Variants in TBC1D14 observed in about 807,000 individuals in gnomAD.
TBC1D14 encodes TBC1 domain family member 14.
A neutral mutation model predicts 79.0 loss-of-function variants in TBC1D14; 26 were observed. The ratio of observed to expected loss-of-function variants is 0.33; its 90% CI spans 0.24 to 0.46. TBC1D14 has a LOEUF of 0.46. TBC1D14 is among the 20% of genes least tolerant of loss of function. TBC1D14 has a pLI of 1.00. For synonymous variants in TBC1D14, 394 were observed against 349.9 expected (o/e 1.13, Z -1.40); for missense variants, 769 against 887.6 (o/e 0.87, Z 1.70).
intron 2 of TBC1D14, among the ~76,000 whole-genome samples, chr4:6,935,828 G>A (rs1712264465): frequency 6.6e-6 from 1 of 152,008 alleles, no homozygotes. Flanking sequence ...ATTTTTAGTA[G>A]AAATGGGGTT....
intron 9 of TBC1D14, among the ~76,000 whole-genome samples, chr4:7,008,637 T>C (rs567934363): frequency 3.8e-4 from 58 of 152,276 alleles, no homozygotes; most frequent in African/African-American, 1.2e-3. Context: ...GGTCTCGAAC[T>C]CCTGACCTCG....
chr4:6,987,188 C>T, intron 3 of TBC1D14: 1 of 1,222,898 alleles, frequency 8.2e-7, no homozygotes, highest in Non-Finnish European at 1.0e-6. Context: ...GCTGTGTCTG[C>T]GCGCGATTGA....
In TBC1D14 at chr4:6,917,119, T is replaced by C. The variant is rs144424155; in HGVS notation, c.-17-6254T>C. ...TTGATGGTAGGGGATTTCTTCCTCG[T>C]AGTCTCACCTCCAGCTCTCACCGAG... On this transcript the variant is annotated intron_variant, in intron 1 of 13. Transcript: ENST00000409757. Among the ~76,000 whole-genome samples the C allele has an allele frequency of 5.5e-4, 84 of 152,354 alleles. 1 individual carries two copies. In the East Asian group the frequency reaches 0.016, roughly 29 times the overall value.
chr4:7,022,750 C>T (rs1455597152), intron 12 of TBC1D14, among the ~76,000 whole-genome samples: 1 of 151,950 alleles, frequency 6.6e-6, no homozygotes, highest in Non-Finnish European at 1.5e-5. Context: ...CCAGTGGTGA[C>T]TTAATTTTAT....
Position 7,032,908 on chromosome 4 carries a change from T to G in TBC1D14, c.*2516T>G, listed in dbSNP as rs1243288195. ...ATTGGGATCCCATTTAGAAACGGCA[T>G]TCACTTCAGAAGGTACTTTTTAACT... On this transcript the variant is annotated 3_prime_UTR_variant, in exon 14 of 14. Transcript: ENST00000409757. 2.0e-5 allele frequency: 3 copies of G among 152,508 alleles called. No individual in the cohort carries two copies. Among genetic ancestry groups the G allele is most frequent in the Non-Finnish European group, 2.9e-5 (2 of 68,034 alleles). 9.4% of individuals were successfully genotyped at this position (152,508 alleles called of 1,614,324 possible).
chr4:6,965,316 C>T (rs1560288777), intron 2 of TBC1D14, among the ~76,000 whole-genome samples: 1 of 152,200 alleles, frequency 6.6e-6, no homozygotes, highest in Non-Finnish European at 1.5e-5. Flanking sequence ...AGCCACTGCA[C>T]CTGGCCCTCT....
In TBC1D14 at chr4:6,951,389, T is replaced by C. The variant is rs560524730; in HGVS notation, c.723-15915T>C. On this transcript the variant is annotated intron_variant, in intron 2 of 13. Coordinates refer to ENST00000409757, the MANE Select transcript of TBC1D14 (RefSeq NM_020773.3). ...TATTGTATATGAATTGAAACAATAA[T>C]AGCTGGGTGTGGTAGCCTGCAATCC... Among the ~76,000 whole-genome samples the C allele has an allele frequency of 2.6e-5, 4 of 152,234 alleles. No homozygotes were observed. The South Asian group carries it at 6.2e-4, about 24-fold the overall frequency.
intron 7 of TBC1D14, among the ~76,000 whole-genome samples, chr4:7,003,541 A>G (rs901287173): frequency 3.3e-5 from 5 of 152,270 alleles, no homozygotes; most frequent in Non-Finnish European, 7.3e-5. Flanking sequence ...TTAATAAAAT[A>G]GTGTGCACTG....
Position 6,922,065 on chromosome 4 carries a change from T to TG in TBC1D14, c.-17-1308_-17-1307insG, listed in dbSNP as rs1228447699. On this transcript the variant is annotated intron_variant, in intron 1 of 13. Coordinates refer to ENST00000409757, the MANE Select transcript of TBC1D14 (RefSeq NM_020773.3). Reference sequence around the variant, plus strand: ...AATGGATTTTGTTTGTTTGTTTGTTTTTTTAGAGATAGTGTCTTTCTCTGT... The same window carrying TG: ...AATGGATTTTGTTTGTTTGTTTGTTTGTTTTAGAGATAGTGTCTTTCTCTGT... 7.9e-5 allele frequency among the ~76,000 whole-genome samples: 12 copies of TG among 152,170 alleles called. No individual in the cohort carries two copies. The South Asian group carries it at 1.0e-3, about 13-fold the overall frequency.
intron 3 of TBC1D14, among the ~76,000 whole-genome samples, chr4:6,991,925 C>G (rs1312583022): frequency 6.6e-6 from 1 of 152,204 alleles, no homozygotes; most frequent in African/African-American, 2.4e-5. Context: ...CTTCCTTTTA[C>G]TCCTACTTTT....
chr4:6,984,332 G>C (rs966971688), intron 3 of TBC1D14, among the ~76,000 whole-genome samples: 1 of 152,152 alleles, frequency 6.6e-6, no homozygotes, highest in Non-Finnish European at 1.5e-5. Flanking sequence ...CTGGCATCCT[G>C]GCATCCCATG....
intron 2 of TBC1D14, among the ~76,000 whole-genome samples, chr4:6,938,080 C>T (rs1436142855): frequency 6.6e-6 from 1 of 152,122 alleles, no homozygotes; most frequent in Non-Finnish European, 1.5e-5. Flanking sequence ...CCGTCCCGGG[C>T]GTTGTGGTGG....
intron 12 of TBC1D14, among the ~76,000 whole-genome samples, chr4:7,018,946 A>G (rs1577181684): frequency 6.6e-6 from 1 of 152,208 alleles, no homozygotes; most frequent in Non-Finnish European, 1.5e-5. Flanking sequence ...ACTACATTCC[A>G]TGTTATGGTT....
intron 2 of TBC1D14, among the ~76,000 whole-genome samples, chr4:6,957,667 G>T (rs1173115232): frequency 2.0e-5 from 3 of 152,182 alleles, no homozygotes; most frequent in African/African-American, 7.2e-5. Flanking sequence ...GAAAGTTAGA[G>T]GGAGAAGGCC....
At chr4:6,988,885 CTTTTTTTT>C (rs34268749) in intron 3 of TBC1D14, among the ~76,000 whole-genome samples, 13 of 76,808 alleles carry the variant, frequency 1.7e-4, no homozygotes, top group African/African-American at 6.6e-4. Flanking sequence ...TTCTTTCTTT[CTTTTTTTT>C]TTTTTTTTTT....
intron 2 of TBC1D14, among the ~76,000 whole-genome samples, chr4:6,953,496 T>G (rs1366047997): frequency 2.9e-5 from 4 of 138,608 alleles, no homozygotes; most frequent in East Asian, 2.1e-4. Flanking sequence ...CCGGGCGAGG[T>G]GGCGGGCGCC....
At chr4:6,934,124 T>C (rs1244850631) in intron 2 of TBC1D14, among the ~76,000 whole-genome samples, 2 of 151,176 alleles carry the variant, frequency 1.3e-5, no homozygotes, top group Non-Finnish European at 3.0e-5. Flanking sequence ...GGATGGGAGG[T>C]ATACATTGAC....
chr4:7,003,018 G>A (rs1719826505), intron 7 of TBC1D14, among the ~76,000 whole-genome samples: 1 of 152,260 alleles, frequency 6.6e-6, no homozygotes, highest in Non-Finnish European at 1.5e-5. Context: ...GTTCTGACTT[G>A]GAGAGCCCTA....
intron 2 of TBC1D14, among the ~76,000 whole-genome samples, chr4:6,952,695 G>T (rs978554791): frequency 4.6e-5 from 7 of 152,132 alleles, no homozygotes; most frequent in African/African-American, 1.7e-4. Context: ...CTTTTTTAAG[G>T]GATGATGGAG....
Sources: gnomAD v4.1 joint callset for allele counts (sites outside exome capture counted in the v4.1 genomes callset) on GRCh38, gnomAD v4.1.1 for gene constraint, MANE v1.5 for transcripts, NCBI Gene and HGNC (gene_info 2026-07-23, HGNC 2026-07-21) for gene names.